The following FSTL1 variants were observed in gnomAD, a reference collection of about 807,000 sequenced individuals.
FSTL1 encodes the protein follistatin-related protein 1.
Under a neutral mutation model 45.9 loss-of-function variants are expected in FSTL1, and 24 were observed. That is an observed-to-expected ratio of 0.52 (90% CI 0.38 to 0.74). The LOEUF is 0.74. Among genes scored for constraint, FSTL1 ranks in the 30% least tolerant of loss-of-function variants. The pLI, the probability that FSTL1 is intolerant of heterozygous loss-of-function variation, is 0.00. For missense variants in FSTL1, 340 were observed against 381.8 expected (o/e 0.89, Z 0.91); for synonymous variants, 120 against 137.6 (o/e 0.87, Z 0.89).
chr3:120,428,734 A>T (rs1156589063), intron 2 of FSTL1, among the ~76,000 whole-genome samples: 1 of 137,306 alleles, frequency 7.3e-6, no homozygotes, highest in Non-Finnish European at 1.6e-5. Context: ...ACTCTGTCTC[A>T]GACAAAAAAC....
chr3:120,423,819 GT>G (rs968461527), intron 2 of FSTL1: 1 of 152,178 alleles, frequency 6.6e-6, no homozygotes, highest in African/African-American at 2.4e-5. Context: ...AAATGTTTTT[GT>G]AAGGCTGCCA....
At chr3:120,402,130 T>C (rs1348616699) in intron 9 of FSTL1, among the ~76,000 whole-genome samples, 2 of 152,298 alleles carry the variant, frequency 1.3e-5, no homozygotes, top group African/African-American at 4.8e-5. Context: ...AACTCTCAGA[T>C]TTCTCTGTCT....
chr3:120,407,409 A>G (rs1936967540), intron 6 of FSTL1, among the ~76,000 whole-genome samples: 1 of 152,216 alleles, frequency 6.6e-6, no homozygotes, highest in Admixed American at 6.5e-5. Context: ...ATTAGATTCC[A>G]AATTCCAAGA....
chr3:120,401,438 T>C (rs1030156623), intron 9 of FSTL1, among the ~76,000 whole-genome samples: 2 of 152,170 alleles, frequency 1.3e-5, no homozygotes, highest in African/African-American at 4.8e-5. Context: ...ATTTATACTG[T>C]TGCTGTTCTC....
At chr3:120,440,051 T>C (rs907055094) in intron 2 of FSTL1, among the ~76,000 whole-genome samples, 1 of 152,148 alleles carries the variant, frequency 6.6e-6, no homozygotes, top group Non-Finnish European at 1.5e-5. Flanking sequence ...ATGTAGAGGC[T>C]GCAGTGAGCT....
At chr3:120,418,723 G>A (rs1937229408) in intron 2 of FSTL1, among the ~76,000 whole-genome samples, 1 of 140,020 alleles carries the variant, frequency 7.1e-6, no homozygotes, top group Non-Finnish European at 1.6e-5. Context: ...CGTGGGCCAG[G>A]TGCTCTCTTT....
chr3:120,412,821 C>T (rs1465767768), intron 3 of FSTL1, among the ~76,000 whole-genome samples: 2 of 46,752 alleles, frequency 4.3e-5, no homozygotes, highest in East Asian at 5.5e-4. Flanking sequence ...CACACATGTG[C>T]GCGCGCGCGC....
intron 4 of FSTL1, 41 bp from the exon 5 acceptor site, chr3:120,411,025 G>GA (rs752995944): frequency 6.6e-7 from 1 of 1,509,578 alleles, no homozygotes; most frequent in Non-Finnish European, 9.0e-7. Context: ...CGAAGTGAAG[G>GA]AAAAAAGAAA....
At chr3:120,415,064 TA>T (rs527823021) in intron 3 of FSTL1, among the ~76,000 whole-genome samples, 4 of 151,760 alleles carry the variant, frequency 2.6e-5, no homozygotes, top group Non-Finnish European at 5.9e-5. Context: ...AACGTTCTTT[TA>T]ATTTCTAAAT....
chr3:120,439,680 A>G (rs1937608301), intron 2 of FSTL1, among the ~76,000 whole-genome samples: 1 of 152,236 alleles, frequency 6.6e-6, no homozygotes, highest in Admixed American at 6.5e-5. Flanking sequence ...ACACACAGGT[A>G]CATGACACAC....
At chr3:120,401,750 T>C (rs988418991) in intron 9 of FSTL1, among the ~76,000 whole-genome samples, 16 of 152,114 alleles carry the variant, frequency 1.1e-4, no homozygotes, top group South Asian at 2.1e-4. Context: ...GCCTGCCTAA[T>C]TTTCACATTT....
chr3:120,425,719 G>A (rs1400922379), intron 2 of FSTL1, among the ~76,000 whole-genome samples: 1 of 152,152 alleles, frequency 6.6e-6, no homozygotes, highest in Non-Finnish European at 1.5e-5. Context: ...ACTAAAGAAA[G>A]TGGTTATGTA....
intron 2 of FSTL1, among the ~76,000 whole-genome samples, chr3:120,439,896 C>T (rs1253367447): frequency 6.6e-6 from 1 of 152,136 alleles, no homozygotes; most frequent in Non-Finnish European, 1.5e-5. Flanking sequence ...GGAGGATCGC[C>T]TAAGCCCAGG....
intron 2 of FSTL1, chr3:120,438,423 C>G (rs1937593305): frequency 6.6e-6 from 1 of 152,182 alleles, no homozygotes; most frequent in Non-Finnish European, 1.5e-5. Flanking sequence ...GAAGACTGTT[C>G]AGGTGCCACA....
chr3:120,425,364 C>CA (rs5852246), intron 2 of FSTL1, among the ~76,000 whole-genome samples: 214 of 135,050 alleles, frequency 1.6e-3, no homozygotes, highest in East Asian at 8.7e-3. Flanking sequence ...ATAAAACAGC[C>CA]AAAAAAAAAA....
chr3:120,431,504 G>C (rs2107666417), intron 2 of FSTL1, among the ~76,000 whole-genome samples: 1 of 152,212 alleles, frequency 6.6e-6, no homozygotes, highest in Middle Eastern at 3.4e-3. Flanking sequence ...GCAGCTAGTA[G>C]CTATCGGCAT....
intron 2 of FSTL1, among the ~76,000 whole-genome samples, chr3:120,416,399 T>G (rs534340718): frequency 1.2e-4 from 18 of 152,262 alleles, no homozygotes; most frequent in African/African-American, 4.3e-4. Context: ...GCTCCATGAC[T>G]CTCAGAGGAA....
At chr3:120,427,362 C>G (rs1937400412) in intron 2 of FSTL1, among the ~76,000 whole-genome samples, 2 of 152,144 alleles carry the variant, frequency 1.3e-5, no homozygotes, top group African/African-American at 4.8e-5. Flanking sequence ...GAACTACAAG[C>G]TCCTAGAGGA....
At chr3:120,434,261 AAG>A (rs1937518621) in intron 2 of FSTL1, among the ~76,000 whole-genome samples, 1 of 152,190 alleles carries the variant, frequency 6.6e-6, no homozygotes, top group Non-Finnish European at 1.5e-5. Context: ...TGAAAAATAA[AAG>A]AGAAAATTCC....
Sources: allele counts gnomAD v4.1 joint callset (sites outside exome capture counted in the v4.1 genomes callset), GRCh38; gene constraint gnomAD v4.1.1; transcripts MANE v1.5; gene names NCBI Gene and HGNC (gene_info 2026-07-23, HGNC 2026-07-21).